Variants in UCHL3 observed in about 807,000 individuals in gnomAD.
The protein encoded by UCHL3 is ubiquitin C-terminal hydrolase L3, also known as ubiquitin carboxyl-terminal hydrolase isozyme L3.
A neutral mutation model predicts 35.8 loss-of-function variants in UCHL3; 22 were observed. The observed-to-expected ratio is 0.61, with a 90% CI of 0.44 to 0.88. The LOEUF (loss-of-function observed/expected upper bound fraction) is 0.88, where lower values mean the gene tolerates loss of function less well. Among genes scored for constraint, UCHL3 ranks in the 40% least tolerant of loss-of-function variants. The pLI is 0.00. For synonymous variants in UCHL3, 90 were observed against 92.8 expected (o/e 0.97, Z 0.17); for missense variants, 229 against 276.9 (o/e 0.83, Z 1.23).
At chr13:75,566,970 T>A in intron 4 of UCHL3, 119 bp downstream of exon 4, 1 of 1,162,188 alleles carries the variant, frequency 8.6e-7, no homozygotes, top group South Asian at 1.6e-5. Context: ...CCCTGCTTCC[T>A]TGATGATGGG....
chr13:75,550,781 C>G (rs1015199806), intron 2 of UCHL3, among the ~76,000 whole-genome samples: 1 of 144,266 alleles, frequency 6.9e-6, no homozygotes, highest in Non-Finnish European at 1.5e-5. Context: ...CCTAGTTTAT[C>G]ATACTCCCTT....
chr13:75,561,833 A>ATATATG (rs2031520232), intron 3 of UCHL3, among the ~76,000 whole-genome samples: 2 of 74,664 alleles, frequency 2.7e-5, no homozygotes, highest in South Asian at 3.8e-4. Context: ...ATACGTACGT[A>ATATATG]TATACGTATA....
intron 6 of UCHL3, among the ~76,000 whole-genome samples, chr13:75,586,249 GA>G (rs1288696091): frequency 6.6e-6 from 1 of 151,988 alleles, no homozygotes; most frequent in Non-Finnish European, 1.5e-5. Context: ...TTCAGAACAA[GA>G]AATATTCCCA....
chr13:75,563,570 C>A (rs541747256), intron 3 of UCHL3, among the ~76,000 whole-genome samples: 10 of 152,192 alleles, frequency 6.6e-5, no homozygotes, highest in African/African-American at 2.4e-4. Flanking sequence ...AAAATAGTTA[C>A]AATAGTGAAG....
intron 7 of UCHL3, 105 bp downstream of exon 7, chr13:75,595,095 C>T: frequency 2.3e-6 from 2 of 853,264 alleles, no homozygotes; most frequent in Non-Finnish European, 3.5e-6. Context: ...CTTAAATTAA[C>T]TGGTTGCCTA....
Position 75,561,821 on chromosome 13 carries a change from A to ATATATG in UCHL3, c.183+944_183+945insTGTATA, listed in dbSNP as rs1566211529. On this transcript the variant is annotated intron_variant, in intron 3 of 8. Coordinates refer to ENST00000377595, the MANE Select transcript of UCHL3 (RefSeq NM_006002.5). Reference sequence around the variant, plus strand: ...TGTATACGTATACATACGTATACGTATATACGTACGTATATACGTATACGT... The same window carrying ATATATG: ...TGTATACGTATACATACGTATACGTATATATGTATACGTACGTATATACGTATACGT... 4.7e-4 allele frequency among the ~76,000 whole-genome samples: 16 copies of ATATATG among 34,334 alleles called. 1 individual carries two copies. Among genetic ancestry groups the ATATATG allele is most frequent in the South Asian group, 2.4e-3 (3 of 1,234 alleles). 22.5% of individuals were successfully genotyped at this position (34,334 alleles called of 152,430 possible). A position where few individuals can be genotyped will look rare whatever the true frequency, so the allele number is the denominator to read the frequency against.
intron 6 of UCHL3, chr13:75,590,171 G>T: frequency 2.4e-6 from 3 of 1,229,804 alleles, no homozygotes; most frequent in Non-Finnish European, 3.1e-6. Flanking sequence ...CAGTGACAAG[G>T]GCTGTCTTTT....
intron 6 of UCHL3, among the ~76,000 whole-genome samples, chr13:75,573,081 A>G (rs1278497662): frequency 1.3e-5 from 2 of 152,150 alleles, no homozygotes; most frequent in Non-Finnish European, 2.9e-5. Flanking sequence ...CCTGGCCAAC[A>G]TGGTGAACCC....
chr13:75,573,475 C>T (rs1479572805), intron 6 of UCHL3, among the ~76,000 whole-genome samples: 1 of 152,118 alleles, frequency 6.6e-6, no homozygotes, highest in Non-Finnish European at 1.5e-5. Context: ...TTTATTATTA[C>T]ACAGTTCTTG....
chr13:75,549,703 A>T, upstream of UCHL3: 8 of 1,226,490 alleles, frequency 6.5e-6, no homozygotes, highest in South Asian at 1.3e-4. Context: ...TTTGGTGTTT[A>T]GGCGCTCCTC....
intron 6 of UCHL3, among the ~76,000 whole-genome samples, chr13:75,571,356 C>G (rs1200525041): frequency 6.6e-6 from 1 of 152,134 alleles, no homozygotes; most frequent in Non-Finnish European, 1.5e-5. Flanking sequence ...TCAGACCTAA[C>G]CGCCTTCATT....
intron 7 of UCHL3, among the ~76,000 whole-genome samples, chr13:75,602,204 C>T (rs1185462947): frequency 3.3e-5 from 5 of 152,146 alleles, no homozygotes; most frequent in Non-Finnish European, 7.3e-5. Context: ...TCATTCACGT[C>T]GTTGGCCATT....
intron 6 of UCHL3, among the ~76,000 whole-genome samples, chr13:75,588,534 A>G (rs757249754): frequency 6.6e-6 from 1 of 152,080 alleles, no homozygotes; most frequent in Non-Finnish European, 1.5e-5. Flanking sequence ...GGATTCATTT[A>G]TGTATTTTTG....
chr13:75,599,565 A>G (rs1318515957), intron 7 of UCHL3, among the ~76,000 whole-genome samples: 1 of 152,102 alleles, frequency 6.6e-6, no homozygotes, highest in Non-Finnish European at 1.5e-5. Flanking sequence ...TTTTATTATT[A>G]TATCTGTTAT....
chr13:75,597,456 T>C (rs1032691040), intron 7 of UCHL3, among the ~76,000 whole-genome samples: 1 of 152,192 alleles, frequency 6.6e-6, no homozygotes, highest in African/African-American at 2.4e-5. Context: ...GGTTCTTGCA[T>C]TGGTAGATTC....
At chr13:75,590,079 C>T (rs369614682) in intron 6 of UCHL3, 6 of 1,304,400 alleles carry the variant, frequency 4.6e-6, no homozygotes, top group East Asian at 5.5e-5. Flanking sequence ...TCTCCGTCTT[C>T]GTCGCTGGCG....
intron 6 of UCHL3, among the ~76,000 whole-genome samples, chr13:75,578,457 T>C (rs193207892): frequency 6.6e-6 from 1 of 152,108 alleles, no homozygotes; most frequent in African/African-American, 2.4e-5. Flanking sequence ...AGATAACCTG[T>C]TTGAGCACCT....
At chr13:75,569,330 T>TA in intron 5 of UCHL3, 130 bp from the exon 6 acceptor site, 3 of 630,362 alleles carry the variant, frequency 4.8e-6, no homozygotes, top group South Asian at 5.5e-5. Flanking sequence ...AGTACTAAGC[T>TA]TTTCTTAAAT....
intron 6 of UCHL3, among the ~76,000 whole-genome samples, chr13:75,570,692 T>C (rs2031827539): frequency 6.6e-6 from 1 of 152,222 alleles, no homozygotes; most frequent in Non-Finnish European, 1.5e-5. Context: ...AAGGATCGCT[T>C]GAGGCCAGGA....
Sources: allele counts gnomAD v4.1 joint callset (sites outside exome capture counted in the v4.1 genomes callset), GRCh38; gene constraint gnomAD v4.1.1; transcripts MANE v1.5; gene names NCBI Gene and HGNC (gene_info 2026-07-23, HGNC 2026-07-21).